Variants in ARHGEF4 observed in about 807,000 individuals in gnomAD.
ARHGEF4 encodes APC-stimulated guanine nucleotide exchange factor 1.
In ARHGEF4, 119 loss-of-function variants were observed where a neutral mutation model predicts 162.0. The ratio of observed to expected loss-of-function variants is 0.73; its 90% CI spans 0.63 to 0.86. The LOEUF is 0.86. Among genes scored for constraint, ARHGEF4 ranks in the 40% least tolerant of loss-of-function variants. The pLI is 0.00. For missense variants in ARHGEF4, 2,488 were observed against 2,456.0 expected (o/e 1.01, Z -0.28); for synonymous variants, 1,014 against 979.9 (o/e 1.03, Z -0.65).
At chr2:131,040,789 T>C (rs926835316) in intron 8 of ARHGEF4, among the ~76,000 whole-genome samples, 1 of 152,162 alleles carries the variant, frequency 6.6e-6, no homozygotes, top group African/African-American at 2.4e-5. Context: ...ACAGCCTGCT[T>C]AGGCGGCAGA....
At chr2:131,041,654 G>C in intron 9 of ARHGEF4, 161 bp from the exon 10 acceptor site, 4 of 1,187,056 alleles carry the variant, frequency 3.4e-6, no homozygotes, top group Non-Finnish European at 4.7e-6. Context: ...CTCTGTGCTT[G>C]CCATTTATGG....
rs1280234074 is a variant in ARHGEF4 at position 130,917,084 on chromosome 2, CT to C, written c.3141del (p.Pro1048ArgfsTer48). The C allele has an allele frequency of 1.9e-6, 3 of 1,550,654 alleles. No homozygotes were observed. The South Asian group carries it at 3.6e-5, about 18-fold the overall frequency. On this transcript the variant is annotated frameshift_variant, in exon 2 of 14. Coordinates refer to ENST00000409359, the MANE Select transcript of ARHGEF4 (RefSeq NM_001367493.1). LOFTEE classifies it high-confidence loss of function. ...EGGRYLPSGI[F>X]PEKSWLASPG... ...GCGGTAGGTACCTACCTTCAGGTAT[CT>C]TTCCGGAAAAGTCCTGGCTGGCGTC...
chr2:130,895,179 G>A (rs541500526), intron 1 of ARHGEF4, among the ~76,000 whole-genome samples: 3 of 152,266 alleles, frequency 2.0e-5, no homozygotes, highest in East Asian at 1.9e-4. Flanking sequence ...AAATAAGATC[G>A]TGCAGTGTGT....
Position 131,041,895 on chromosome 2 carries a change from A to C in ARHGEF4, c.4976A>C (p.Glu1659Ala). 2 of 1,613,692 alleles carry C rather than the reference A, an allele frequency of 1.2e-6. No individual in the cohort carries two copies. The highest frequency in any genetic ancestry group is 1.7e-6 in the Non-Finnish European group (2 of 1,180,028). Residue 1659 changes from glutamate to alanine, a missense_variant, in exon 10 of 14, where the codon GAG becomes GCG. Transcript: ENST00000409359. The stretch of plus-strand genomic sequence containing the variant: ...ATCAACGAGCGGAAGCGGAGACTTG[A>C]GAACATCGACAAGATTGCTCAGTGG... The part of the protein sequence containing the change: ...QLINERKRRL[E>A]NIDKIAQWQS...
chr2:130,882,811 G>A (rs1679282559), intron 1 of ARHGEF4, among the ~76,000 whole-genome samples: 1 of 151,918 alleles, frequency 6.6e-6, no homozygotes, highest in Non-Finnish European at 1.5e-5. Flanking sequence ...CAGGGTGGGG[G>A]TCTCAGTTTG....
chr2:130,931,758 A>G (rs1049937067), intron 3 of ARHGEF4, among the ~76,000 whole-genome samples: 2 of 152,212 alleles, frequency 1.3e-5, no homozygotes, highest in African/African-American at 4.8e-5. Context: ...GCCTACTAAA[A>G]AGTAAATTAA....
At chr2:131,027,565 T>C (rs893019144) in intron 4 of ARHGEF4, among the ~76,000 whole-genome samples, 1 of 152,190 alleles carries the variant, frequency 6.6e-6, no homozygotes, top group Admixed American at 6.5e-5. Context: ...TACACACATA[T>C]ATATTGCATA....
At chr2:131,038,820 C>T (rs766458280) in intron 5 of ARHGEF4, 33 bp from the exon 6 acceptor site, 13 of 1,577,420 alleles carry the variant, frequency 8.2e-6, no homozygotes, top group Non-Finnish European at 1.1e-5. Flanking sequence ...CAGCCTCCCC[C>T]ACTGACCCGC....
chr2:130,874,512 A>G (rs1372904282), intron 1 of ARHGEF4, among the ~76,000 whole-genome samples: 3 of 152,248 alleles, frequency 2.0e-5, no homozygotes, highest in African/African-American at 7.2e-5. Context: ...AAAATTCCTT[A>G]AAGGGTACTC....
intron 1 of ARHGEF4, among the ~76,000 whole-genome samples, chr2:130,891,259 A>G (rs1679848911): frequency 6.6e-6 from 1 of 152,234 alleles, no homozygotes; most frequent in South Asian, 2.1e-4. Context: ...TGTTCTGGGT[A>G]TACAGCTGGG....
intron 4 of ARHGEF4, among the ~76,000 whole-genome samples, chr2:130,999,561 G>A (rs1253334586): frequency 2.0e-5 from 3 of 151,842 alleles, no homozygotes; most frequent in East Asian, 1.9e-4. Flanking sequence ...TTCTCTTAAT[G>A]TGCTAACATT....
At chr2:130,968,290 A>G (rs1412242706) in intron 4 of ARHGEF4, among the ~76,000 whole-genome samples, 1 of 152,224 alleles carries the variant, frequency 6.6e-6, no homozygotes, top group East Asian at 1.9e-4. Flanking sequence ...TTAACTGCAC[A>G]GATGAGGAAG....
At chr2:130,872,253 A>G (rs1221983582) in intron 1 of ARHGEF4, among the ~76,000 whole-genome samples, 1 of 152,138 alleles carries the variant, frequency 6.6e-6, no homozygotes, top group African/African-American at 2.4e-5. Flanking sequence ...GCTGGCAGAG[A>G]GGGTGTGTGA....
intron 1 of ARHGEF4, among the ~76,000 whole-genome samples, chr2:130,894,122 C>T (rs1217158483): frequency 3.3e-5 from 5 of 152,200 alleles, no homozygotes; most frequent in East Asian, 1.9e-4. Context: ...GTGGGTTTCA[C>T]GTGGTGGACA....
intron 4 of ARHGEF4, among the ~76,000 whole-genome samples, chr2:130,987,731 C>A (rs1217897416): frequency 1.3e-5 from 2 of 152,146 alleles, no homozygotes; most frequent in African/African-American, 2.4e-5. Context: ...GCCTGCAGAC[C>A]CCCAGCAGTG....
chr2:130,903,649 A>G (rs1482594447), intron 1 of ARHGEF4, among the ~76,000 whole-genome samples: 1 of 152,186 alleles, frequency 6.6e-6, no homozygotes, highest in East Asian at 1.9e-4. Flanking sequence ...CTCTTGCCCA[A>G]GTAGTGAACA....
intron 1 of ARHGEF4, among the ~76,000 whole-genome samples, chr2:130,874,545 G>A (rs1047386831): frequency 6.6e-6 from 1 of 152,214 alleles, no homozygotes; most frequent in Non-Finnish European, 1.5e-5. Context: ...TAGTGAGTGG[G>A]AATACGACTG....
intron 5 of ARHGEF4, among the ~76,000 whole-genome samples, chr2:131,038,047 G>A (rs1049800956): frequency 6.6e-6 from 1 of 152,178 alleles, no homozygotes; most frequent in Admixed American, 6.5e-5. Flanking sequence ...GGCTTGGGAT[G>A]GGAGCAGGGG....
intron 4 of ARHGEF4, chr2:130,964,100 G>A: frequency 2.2e-6 from 2 of 893,762 alleles, no homozygotes; most frequent in Non-Finnish European, 1.3e-6. Context: ...GGCGATCTCG[G>A]CACTAGCAGC....
Sources: allele counts gnomAD v4.1 joint callset (sites outside exome capture counted in the v4.1 genomes callset), GRCh38; gene constraint gnomAD v4.1.1; transcripts MANE v1.5; gene names NCBI Gene and HGNC (gene_info 2026-07-23, HGNC 2026-07-21).